The following NCAPD3 variants were observed in gnomAD, a reference collection of about 807,000 sequenced individuals.
NCAPD3 encodes the protein condensin-2 complex subunit D3.
A neutral mutation model predicts 182.9 loss-of-function variants in NCAPD3; 105 were observed. The ratio of observed to expected loss-of-function variants is 0.57; its 90% confidence interval spans 0.49 to 0.68. The LOEUF (loss-of-function observed/expected upper bound fraction) is 0.68, where lower values mean the gene tolerates loss of function less well. NCAPD3 is among the 30% of genes least tolerant of loss of function. NCAPD3 has a pLI of 0.00. For synonymous variants in NCAPD3, 815 were observed against 679.9 expected (o/e 1.20, Z -3.09); for missense variants, 1,944 against 1,837.0 (o/e 1.06, Z -1.07).
In NCAPD3 at chr11:134,153,041, G is replaced by A. The variant is rs760380138; in HGVS notation, c.4400C>T (p.Pro1467Leu). Residue 1467 changes from proline (P) to leucine (L), a missense_variant, in exon 35 of 35, where the codon CCT becomes CTT. Physicochemically the swap from Pro to Leu is moderately conservative, Grantham distance 98. This residue lies in a region of NCAPD3 where 1,803 missense variants were observed against 1,674.6 expected (regional missense o/e 1.08). Coordinates refer to ENST00000534548, the MANE Select transcript of NCAPD3 (RefSeq NM_015261.3). ...GGGAGACCGCACATTCCACTGCTGA[G>A]GCTGTGGGGGCCTAGGGAAAGGACA... ...LSLPDKPPPQPQQWNVRSPAR... is the reference protein window; with the variant it reads ...LSLPDKPPPQLQQWNVRSPAR... 2.5e-6 allele frequency: 4 copies of A among 1,602,908 alleles called. No homozygotes were observed. Among genetic ancestry groups the A allele is most frequent in the African/African-American group, 1.3e-5 (1 of 74,664 alleles).
At chr11:134,173,678 GCACA>G (rs1338337545) in intron 24 of NCAPD3, 1 of 152,580 alleles carries the variant, frequency 6.6e-6, no homozygotes, top group African/African-American at 2.4e-5. Flanking sequence ...TCCAGCTGGT[GCACA>G]CACCTTGAAG....
rs767753759 is a variant in NCAPD3, at chr11:134,168,434, A to G, written c.3373+35T>C. ...TATCAACACAGCATTTCATTTGCAA[A>G]CACACACATTTTCTCCCACACACAC... On this transcript the variant is annotated intron_variant, in intron 26 of 34. Coordinates refer to ENST00000534548, the MANE Select transcript of NCAPD3 (RefSeq NM_015261.3). The G allele has an allele frequency of 2.5e-6, 4 of 1,611,478 alleles. No individual in the cohort carries two copies. In the African/African-American group the frequency reaches 5.3e-5, roughly 22 times the overall value.
At chr11:134,163,700 CAAAAAAAAA>C (rs57961196) in intron 27 of NCAPD3, among the ~76,000 whole-genome samples, 1 of 66,176 alleles carries the variant, frequency 1.5e-5, no homozygotes, top group Non-Finnish European at 3.0e-5. Flanking sequence ...TACTGTGTCT[CAAAAAAAAA>C]AAAAAAAAAA....
In NCAPD3 at chr11:134,150,809, A is replaced by C. The variant is rs1465429530; in HGVS notation, c.*2135T>G. On this transcript the variant is annotated 3_prime_UTR_variant, in exon 35 of 35. Coordinates refer to ENST00000534548, the MANE Select transcript of NCAPD3 (RefSeq NM_015261.3). ...GACGCCACAGGCTCTGTCGCATTTC[A>C]AAACAAACCATGATGGAGTGGCGGC... 1 of 152,210 alleles carries C rather than the reference A, an allele frequency of 6.6e-6. No homozygotes were observed. Among genetic ancestry groups the C allele is most frequent in the Non-Finnish European group, 1.5e-5 (1 of 68,034 alleles). The allele number at this position is 152,210 out of a possible 1,614,324, so 9.4% of individuals were successfully genotyped here.
At chr11:134,167,294 T>C (rs1375375782) in intron 27 of NCAPD3, among the ~76,000 whole-genome samples, 41 of 98,774 alleles carry the variant, frequency 4.2e-4, no homozygotes, top group African/African-American at 7.3e-4. Context: ...GAGATGAGCT[T>C]GGGGGAGCAG....
chr11:134,166,855 A>G (rs1408270502), intron 27 of NCAPD3, among the ~76,000 whole-genome samples: 4 of 89,756 alleles, frequency 4.5e-5, no homozygotes, highest in Admixed American at 1.2e-4. Flanking sequence ...GCGCACACTC[A>G]TGAGAGGAGC....
intron 27 of NCAPD3, among the ~76,000 whole-genome samples, chr11:134,163,532 T>C (rs142331383): frequency 0.033 from 4,990 of 151,830 alleles, 93 homozygotes; most frequent in Non-Finnish European, 0.047. Context: ...ACCCCATCTC[T>C]ACTAAAAATA....
At position 134,204,459 on chromosome 11, in the gene NCAPD3, T is replaced by C. The variant is rs764763789; in HGVS notation, c.1090-288A>G. Among the ~76,000 whole-genome samples the C allele has an allele frequency of 2.0e-5, 3 of 152,230 alleles. No individual in the cohort carries two copies. Among genetic ancestry groups the C allele is most frequent in the African/African-American group, 4.8e-5 (2 of 41,460 alleles). On this transcript the variant is annotated intron_variant, in intron 9 of 34. Coordinates refer to ENST00000534548, the MANE Select transcript of NCAPD3 (RefSeq NM_015261.3). The surrounding 1 kb of genome is among the most constrained non-coding windows in gnomAD (Gnocchi z 4.3). ...TCAAATTAAGAATCATTTGTCTAAA[T>C]GGTTATAAAAATGTAGAGATCATCA...
intron 1 of NCAPD3, among the ~76,000 whole-genome samples, chr11:134,220,982 G>A (rs1213423957): frequency 2.6e-5 from 4 of 152,306 alleles, no homozygotes; most frequent in Non-Finnish European, 4.4e-5. Flanking sequence ...TCAGATACAA[G>A]AGTTTTGGGA....
chr11:134,154,510 T>C (rs1340259622), intron 32 of NCAPD3, among the ~76,000 whole-genome samples: 1 of 114,240 alleles, frequency 8.8e-6, no homozygotes, highest in Non-Finnish European at 1.7e-5. Flanking sequence ...TGCCTACACA[T>C]GCCACCCTGT....
At chr11:134,183,602 T>G (rs1287138529) in intron 19 of NCAPD3, among the ~76,000 whole-genome samples, 1 of 152,118 alleles carries the variant, frequency 6.6e-6, no homozygotes, top group Non-Finnish European at 1.5e-5. Context: ...TATAATTTCT[T>G]GGGTCTTGAG....
intron 24 of NCAPD3, among the ~76,000 whole-genome samples, chr11:134,170,677 G>A (rs1179457574): frequency 6.6e-6 from 1 of 152,254 alleles, no homozygotes; most frequent in Admixed American, 6.5e-5. Flanking sequence ...ACACATGGGT[G>A]GAGGTGACCA....
chr11:134,206,457 A>G, intron 8 of NCAPD3, 142 bp downstream of exon 8: 1 of 1,028,672 alleles, frequency 9.7e-7, no homozygotes, highest in East Asian at 2.4e-5. Context: ...AAAGCACATT[A>G]GCTACGAAGT....
chr11:134,220,793 T>G, intron 1 of NCAPD3, 67 bp from the exon 2 acceptor site: 2 of 1,482,924 alleles, frequency 1.3e-6, no homozygotes, highest in Non-Finnish European at 1.8e-6. Context: ...CACCTTTAGA[T>G]TCCAGGTGTG....
intron 24 of NCAPD3, 32 bp downstream of exon 24, chr11:134,176,275 G>A: frequency 6.3e-7 from 1 of 1,577,958 alleles, no homozygotes; most frequent in Non-Finnish European, 8.7e-7. Flanking sequence ...GAGGTAAACT[G>A]TTGAGTCGTC....
intron 24 of NCAPD3, among the ~76,000 whole-genome samples, chr11:134,169,407 T>G (rs1415087649): frequency 1.3e-5 from 2 of 152,240 alleles, no homozygotes; most frequent in Non-Finnish European, 2.9e-5. Flanking sequence ...CTTATAAGAC[T>G]GATGCAATGA....
In NCAPD3 at chr11:134,203,900, G is replaced by A. The variant is rs1831992928; in HGVS notation, c.1222C>T (p.His408Tyr). ...YKYSRSSKIPHRVFTLDVVLA... is the reference protein window; with the variant it reads ...YKYSRSSKIPYRVFTLDVVLA... Reference sequence around the variant, plus strand: ...ACAACATCAAGAGTAAAAACCCGGTGTGGGATCTGGTAAAGCAAGATCATA... The same window carrying A: ...ACAACATCAAGAGTAAAAACCCGGTATGGGATCTGGTAAAGCAAGATCATA... The change falls in exon 11 of 35, where the codon CAC becomes TAC. Residue 408 changes from histidine to tyrosine, a missense_variant. His to Tyr is a moderately conservative substitution (Grantham distance 83). Around this residue, in one of 3 missense-constraint regions of NCAPD3, gnomAD observed 1,803 missense variants for 1,674.6 expected, o/e 1.08. Coordinates refer to ENST00000534548, the MANE Select transcript of NCAPD3 (RefSeq NM_015261.3). 6.2e-6 allele frequency: 10 copies of A among 1,613,342 alleles called. No homozygotes were observed. Among genetic ancestry groups the A allele is most frequent in the Non-Finnish European group, 7.6e-6 (9 of 1,179,492 alleles).
chr11:134,162,252 C>T (rs180820650), intron 27 of NCAPD3, among the ~76,000 whole-genome samples: 2 of 152,352 alleles, frequency 1.3e-5, no homozygotes, highest in African/African-American at 4.8e-5. Context: ...TCAACACCCT[C>T]CCCTTGGAAC....
chr11:134,152,853 G>A lies in NCAPD3; in HGVS notation c.*91C>T. On this transcript the variant is annotated 3_prime_UTR_variant, in exon 35 of 35. Coordinates refer to ENST00000534548, the MANE Select transcript of NCAPD3 (RefSeq NM_015261.3). ...CACAGCAAAGCGCTGCCCAAGGACTGCGGGAAGTGATCCAGCTGCCTTCAC... is the reference window on the plus strand; with the variant it reads ...CACAGCAAAGCGCTGCCCAAGGACTACGGGAAGTGATCCAGCTGCCTTCAC... The A allele has an allele frequency of 1.9e-6, 2 of 1,048,052 alleles. No individual in the cohort carries two copies. Among genetic ancestry groups the A allele is most frequent in the Non-Finnish European group, 1.4e-6 (1 of 711,732 alleles). The allele number at this position is 1,048,052 out of a possible 1,614,324, so 64.9% of individuals were successfully genotyped here.
Sources: allele counts gnomAD v4.1 joint callset (sites outside exome capture counted in the v4.1 genomes callset), GRCh38; gene constraint gnomAD v4.1.1; regional missense constraint gnomAD v4.1.1; non-coding constraint Gnocchi (gnomAD v3.1); transcripts MANE v1.5; gene names NCBI Gene and HGNC (gene_info 2026-07-23, HGNC 2026-07-21).